The following PRKCE variants were observed in gnomAD, a reference collection of about 807,000 sequenced individuals.
PRKCE encodes the protein protein kinase C epsilon.
A neutral mutation model predicts 85.4 loss-of-function variants in PRKCE; 16 were observed. The observed-to-expected ratio is 0.19, with a 90% CI of 0.13 to 0.28. PRKCE has a LOEUF of 0.28. Among genes scored for constraint, PRKCE ranks in the 10% least tolerant of loss-of-function variants. The probability of loss-of-function intolerance (pLI) is 1.00; values close to 1 mark genes in which losing one functional copy is unlikely to be tolerated. For synonymous variants in PRKCE, 388 were observed against 371.5 expected (o/e 1.04, Z -0.51); for missense variants, 573 against 975.2 (o/e 0.59, Z 5.49).
At chr2:45,874,345 G>T (rs564027138) in intron 2 of PRKCE, among the ~76,000 whole-genome samples, 1 of 152,214 alleles carries the variant, frequency 6.6e-6, no homozygotes, top group African/African-American at 2.4e-5. Context: ...CAGGGGCTTC[G>T]TGATGACGCT....
chr2:45,774,157 G>A lies in PRKCE; in HGVS notation c.349-68843G>A, dbSNP rs942533681. Among the ~76,000 whole-genome samples, 5 of 152,112 alleles carry A rather than the reference G, an allele frequency of 3.3e-5. No individual in the cohort carries two copies. Among genetic ancestry groups the A allele is most frequent in the Non-Finnish European group, 5.9e-5 (4 of 68,018 alleles). ...AGGGAGCCAGGGACTTGTCATCCTG[G>A]GAGTTCCAGGGCTGGGCTTGGCTGG... On this transcript the variant is annotated intron_variant, in intron 1 of 14. Coordinates refer to ENST00000306156, the MANE Select transcript of PRKCE (RefSeq NM_005400.3). This position sits in a 1 kb window ranked among gnomAD's most constrained non-coding sequence, Gnocchi z 4.3.
At chr2:45,882,309 C>T (rs530992733) in intron 2 of PRKCE, among the ~76,000 whole-genome samples, 62 of 152,194 alleles carry the variant, frequency 4.1e-4, no homozygotes, top group African/African-American at 1.3e-3. Context: ...AGACAGCTGC[C>T]GTATCTCTTG....
At chr2:45,972,779 T>A (rs762053008) in intron 2 of PRKCE, among the ~76,000 whole-genome samples, 14 of 152,268 alleles carry the variant, frequency 9.2e-5, no homozygotes, top group African/African-American at 1.4e-4. Context: ...TCTTCTTGGC[T>A]TGGAAGAATT....
intron 1 of PRKCE, among the ~76,000 whole-genome samples, chr2:45,699,243 CCAG>C (rs1476203538): frequency 6.6e-6 from 1 of 152,048 alleles, no homozygotes; most frequent in African/African-American, 2.4e-5. Flanking sequence ...CCTGCAGGGC[CCAG>C]CAGCCTTTTG....
At chr2:45,732,034 C>G (rs1287147615) in intron 1 of PRKCE, among the ~76,000 whole-genome samples, 1 of 152,160 alleles carries the variant, frequency 6.6e-6, no homozygotes. Flanking sequence ...CTTAGAAAGT[C>G]TTTCCTGTAA....
At chr2:45,851,893 G>A (rs1199321696) in intron 2 of PRKCE, 1 of 152,288 alleles carries the variant, frequency 6.6e-6, no homozygotes, top group Non-Finnish European at 1.5e-5. Context: ...TGTCACCGAG[G>A]ACTGAGTGCT....
intron 1 of PRKCE, among the ~76,000 whole-genome samples, chr2:45,767,473 T>C (rs1019511251): frequency 6.6e-6 from 1 of 152,222 alleles, no homozygotes; most frequent in Non-Finnish European, 1.5e-5. Flanking sequence ...GGAATTTATG[T>C]AGAAAGAGGG....
At chr2:45,994,369 TG>T (rs1704053646) in intron 6 of PRKCE, among the ~76,000 whole-genome samples, 1 of 152,196 alleles carries the variant, frequency 6.6e-6, no homozygotes, top group South Asian at 2.1e-4. Flanking sequence ...AAATGTATAA[TG>T]ACATGAATCT....
intron 1 of PRKCE, among the ~76,000 whole-genome samples, chr2:45,722,055 T>A (rs1404090347): frequency 6.6e-6 from 1 of 152,040 alleles, no homozygotes; most frequent in Admixed American, 6.5e-5. Flanking sequence ...CTATCCATAT[T>A]TATCACATTA....
At chr2:46,055,348 A>G (rs1208842748) in intron 10 of PRKCE, among the ~76,000 whole-genome samples, 1 of 152,190 alleles carries the variant, frequency 6.6e-6, no homozygotes, top group Admixed American at 6.5e-5. Flanking sequence ...ACTCAGCGGG[A>G]CCAGGTGAGT....
intron 10 of PRKCE, among the ~76,000 whole-genome samples, chr2:46,050,714 A>C (rs750010383): frequency 5.3e-5 from 8 of 152,248 alleles, no homozygotes; most frequent in Non-Finnish European, 8.8e-5. Flanking sequence ...TGGCCTGCAA[A>C]GAGCATGACT....
intron 2 of PRKCE, among the ~76,000 whole-genome samples, chr2:45,899,593 G>A (rs1223815672): frequency 6.6e-6 from 1 of 152,114 alleles, no homozygotes; most frequent in Non-Finnish European, 1.5e-5. Context: ...ATGTTGCCCA[G>A]GCTGGTCTTG....
At chr2:45,710,149 G>A (rs921691952) in intron 1 of PRKCE, among the ~76,000 whole-genome samples, 3 of 152,180 alleles carry the variant, frequency 2.0e-5, no homozygotes, top group Non-Finnish European at 4.4e-5. Context: ...GCTGGGCACC[G>A]TTCTTGGACT....
intron 2 of PRKCE, among the ~76,000 whole-genome samples, chr2:45,887,064 C>G (rs577938877): frequency 6.6e-6 from 1 of 152,202 alleles, no homozygotes; most frequent in African/African-American, 2.4e-5. Flanking sequence ...CTTGTAAACT[C>G]TGATGCCTGG....
intron 1 of PRKCE, among the ~76,000 whole-genome samples, chr2:45,716,511 ACT>A (rs1351323160): frequency 5.9e-5 from 9 of 151,712 alleles, no homozygotes; most frequent in Non-Finnish European, 1.2e-4. Context: ...ACAGAGCAAG[ACT>A]CTGTCAAGAA....
chr2:45,763,994 T>C (rs375128080), intron 1 of PRKCE, among the ~76,000 whole-genome samples: 64 of 152,178 alleles, frequency 4.2e-4, no homozygotes, highest in African/African-American at 1.4e-3. Context: ...ATGTTTTAGG[T>C]TGGTTCTGAT....
At chr2:45,663,625 T>C (rs906818017) in intron 1 of PRKCE, among the ~76,000 whole-genome samples, 2 of 151,846 alleles carry the variant, frequency 1.3e-5, no homozygotes, top group African/African-American at 2.4e-5. Context: ...CTACTAAAAA[T>C]ACAAAAAATT....
intron 1 of PRKCE, among the ~76,000 whole-genome samples, chr2:45,708,007 C>T (rs1210630601): frequency 1.3e-5 from 2 of 152,184 alleles, no homozygotes; most frequent in African/African-American, 2.4e-5. Context: ...TTGGAGGCCT[C>T]CTCGATGGCA....
At chr2:46,077,007 G>C (rs1668615703) in intron 10 of PRKCE, among the ~76,000 whole-genome samples, 1 of 152,144 alleles carries the variant, frequency 6.6e-6, no homozygotes, top group African/African-American at 2.4e-5. Context: ...GGGAATCGGG[G>C]AGGTGTTCAC....
Sources: gnomAD v4.1 joint callset for allele counts (sites outside exome capture counted in the v4.1 genomes callset) on GRCh38, gnomAD v4.1.1 for gene constraint, Gnocchi (gnomAD v3.1) non-coding constraint, MANE v1.5 for transcripts, NCBI Gene and HGNC (gene_info 2026-07-23, HGNC 2026-07-21) for gene names.